TBCK: variants seen among roughly 807,000 people sequenced by gnomAD.
TBCK encodes the protein TBC1 domain containing kinase.
Under a neutral mutation model 113.4 loss-of-function variants are expected in TBCK, and 99 were observed. The observed-to-expected ratio is 0.87, with a 90% confidence interval of 0.74 to 1.03. TBCK has a LOEUF of 1.03. Ranked by LOEUF, TBCK falls within the 50% of genes least tolerant of loss-of-function variation. The pLI is 0.00. For synonymous variants in TBCK, 369 were observed against 370.8 expected, an observed-to-expected ratio of 1.00 and a Z score of 0.05; for missense variants, 1,045 against 1,061.3, an observed-to-expected ratio of 0.98 and a Z score of 0.21.
chr4:106,149,052 T>C (rs1430779636), intron 23 of TBCK, among the ~76,000 whole-genome samples: 1 of 152,222 alleles, frequency 6.6e-6, no homozygotes, highest in Non-Finnish European at 1.5e-5. Context: ...TTAAATCTTA[T>C]GAACCAACCT....
chr4:106,210,076 CA>C (rs1450045370), intron 20 of TBCK, among the ~76,000 whole-genome samples: 2 of 152,076 alleles, frequency 1.3e-5, no homozygotes, highest in Non-Finnish European at 2.9e-5. Flanking sequence ...TGAGGAGAGA[CA>C]TTTACTGTCC....
chr4:106,119,634 A>G (rs1744005706), intron 23 of TBCK, among the ~76,000 whole-genome samples: 2 of 152,186 alleles, frequency 1.3e-5, no homozygotes, highest in African/African-American at 4.8e-5. Context: ...CCTCAAAAGC[A>G]CAGGCAACAG....
At chr4:106,091,889 T>C (rs920539341) in intron 25 of TBCK, among the ~76,000 whole-genome samples, 2 of 152,130 alleles carry the variant, frequency 1.3e-5, no homozygotes, top group Admixed American at 6.5e-5. Context: ...AGAGAGCTAA[T>C]TGGTCTGTTT....
intron 25 of TBCK, among the ~76,000 whole-genome samples, chr4:106,080,864 T>C (rs1738770599): frequency 6.6e-6 from 1 of 151,586 alleles, no homozygotes; most frequent in South Asian, 2.1e-4. Context: ...ACAAAAAACA[T>C]GAACAGATAC....
intron 2 of TBCK, among the ~76,000 whole-genome samples, chr4:106,298,471 C>A (rs540405417): frequency 6.6e-6 from 1 of 151,396 alleles, no homozygotes; most frequent in South Asian, 2.1e-4. Context: ...ATTAGCCAGG[C>A]GTGGTGGCAG....
chr4:106,253,194 T>A (rs946071753), intron 5 of TBCK, among the ~76,000 whole-genome samples: 1 of 152,128 alleles, frequency 6.6e-6, no homozygotes, highest in Non-Finnish European at 1.5e-5. Flanking sequence ...CTAAAAAATG[T>A]ACTGTTTAGT....
chr4:106,161,213 T>C (rs1409357926), intron 23 of TBCK, among the ~76,000 whole-genome samples: 3 of 152,122 alleles, frequency 2.0e-5, no homozygotes, highest in East Asian at 3.9e-4. Flanking sequence ...GTGTGTATTT[T>C]TATCACAATA....
intron 3 of TBCK, among the ~76,000 whole-genome samples, chr4:106,272,872 C>T (rs1315728528): frequency 5.3e-5 from 8 of 152,114 alleles, no homozygotes; most frequent in Admixed American, 1.3e-4. Context: ...GCAAACCAAT[C>T]GCGTGGGTAA....
At chr4:106,233,802 G>A in intron 15 of TBCK, 152 bp from the exon 16 acceptor site, 2 of 594,266 alleles carry the variant, frequency 3.4e-6, no homozygotes, top group Non-Finnish European at 5.8e-6. Context: ...CATCTTAAGA[G>A]AAATTCTCTG....
chr4:106,303,315 C>T (rs1767145984), intron 2 of TBCK, among the ~76,000 whole-genome samples: 1 of 152,184 alleles, frequency 6.6e-6, no homozygotes, highest in South Asian at 2.1e-4. Context: ...TGATACTCTA[C>T]ACCAGTGCTT....
At chr4:106,124,699 T>C (rs1368774144) in intron 23 of TBCK, among the ~76,000 whole-genome samples, 2 of 152,022 alleles carry the variant, frequency 1.3e-5, no homozygotes, top group East Asian at 1.9e-4. Context: ...ATGTCCTTTG[T>C]AGGGACATGG....
chr4:106,254,197 G>A (rs549353829), intron 5 of TBCK, among the ~76,000 whole-genome samples: 5 of 152,266 alleles, frequency 3.3e-5, no homozygotes, highest in African/African-American at 1.2e-4. Flanking sequence ...TGCCTGGCAT[G>A]TACAAAAATT....
intron 23 of TBCK, among the ~76,000 whole-genome samples, chr4:106,130,628 A>ACACACC (rs750616810): frequency 2.8e-5 from 4 of 144,620 alleles, no homozygotes; most frequent in Non-Finnish European, 4.5e-5. Context: ...ACACACACAC[A>ACACACC]CCACACAGAA....
intron 24 of TBCK, among the ~76,000 whole-genome samples, chr4:106,113,945 C>A (rs948299754): frequency 6.6e-6 from 1 of 152,170 alleles, no homozygotes; most frequent in Non-Finnish European, 1.5e-5. Context: ...GAATGACATG[C>A]CCCAAGTGGG....
rs1317476441 is a variant in TBCK at position 106,214,432 on chromosome 4, A to G, written c.1775-1597T>C. On this transcript the variant is annotated intron_variant, in intron 19 of 25. Transcript: ENST00000394708. ...AAATTACTCTGAGCTACGGGAGGACATTCAAACCAAAGGCAAAGAAGTTGA... is the reference window on the plus strand; with the variant it reads ...AAATTACTCTGAGCTACGGGAGGACGTTCAAACCAAAGGCAAAGAAGTTGA... 5.3e-5 allele frequency among the ~76,000 whole-genome samples: 8 copies of G among 152,190 alleles called. No homozygotes were observed. The East Asian group carries it at 1.4e-3, about 26-fold the overall frequency.
chr4:106,194,868 T>C lies in TBCK; in HGVS notation c.1861-114A>G. On this transcript the variant is annotated intron_variant, in intron 20 of 25. Transcript: ENST00000394708. ...GTAAGTTCTATGTTTTGGTCTACTT[T>C]ATTGGTTAAAATAAAAGAGAATGTA... 3 of 974,066 alleles carry C rather than the reference T, an allele frequency of 3.1e-6. No homozygotes were observed. The South Asian group carries it at 4.9e-5, about 16-fold the overall frequency. 60.3% of individuals were successfully genotyped at this position (974,066 alleles called of 1,614,324 possible). A position where few individuals can be genotyped will look rare whatever the true frequency, so the allele number is the denominator to read the frequency against.
chr4:106,261,969 A>G (rs1375773988), intron 4 of TBCK, 129 bp downstream of exon 4: 5 of 433,722 alleles, frequency 1.2e-5, no homozygotes, highest in Non-Finnish European at 2.0e-5. Context: ...ACTTTCATAT[A>G]GACTTTTCAT....
intron 2 of TBCK, among the ~76,000 whole-genome samples, chr4:106,306,163 T>C (rs1372702853): frequency 6.6e-6 from 1 of 151,838 alleles, no homozygotes; most frequent in Non-Finnish European, 1.5e-5. Context: ...CCAAACTCCT[T>C]GTCACAAATG....
At chr4:106,290,639 G>C (rs1275957673) in intron 3 of TBCK, among the ~76,000 whole-genome samples, 1 of 152,120 alleles carries the variant, frequency 6.6e-6, no homozygotes. Context: ...AAGGATGTAA[G>C]GCTATAGTGT....
Sources: gnomAD v4.1 joint callset for allele counts (sites outside exome capture counted in the v4.1 genomes callset) on GRCh38, gnomAD v4.1.1 for gene constraint, MANE v1.5 for transcripts, NCBI Gene and HGNC (gene_info 2026-07-23, HGNC 2026-07-21) for gene names.